Variants in CCDC148 observed in about 807,000 individuals in gnomAD.
CCDC148 encodes the protein coiled-coil domain containing 148.
CCDC148 carries 89 observed loss-of-function variants against 85.7 expected under a neutral mutation model. The ratio of observed to expected loss-of-function variants is 1.04; its 90% CI spans 0.87 to 1.24. CCDC148 has a LOEUF of 1.24. Among genes scored for constraint, CCDC148 ranks in the 50% most tolerant of loss-of-function variants. The probability of loss-of-function intolerance (pLI) is 0.00; values close to 1 mark genes in which losing one functional copy is unlikely to be tolerated. For synonymous variants in CCDC148, 230 were observed against 213.9 expected (o/e 1.08, Z -0.66); for missense variants, 692 against 671.7 (o/e 1.03, Z -0.33).
chr2:158,218,576 G>A (rs546081947), intron 11 of CCDC148, among the ~76,000 whole-genome samples: 5 of 152,276 alleles, frequency 3.3e-5, no homozygotes, highest in Non-Finnish European at 5.9e-5. Context: ...TAATTTTAGT[G>A]GAAGCCTGTA....
chr2:158,426,789 G>A (rs1161934490), intron 1 of CCDC148, among the ~76,000 whole-genome samples: 4 of 152,154 alleles, frequency 2.6e-5, no homozygotes, highest in African/African-American at 7.2e-5. Context: ...ATTTGCACTT[G>A]TTGTGCTATA....
intron 10 of CCDC148, among the ~76,000 whole-genome samples, chr2:158,235,110 T>G (rs1410000210): frequency 6.6e-6 from 1 of 152,172 alleles, no homozygotes; most frequent in African/African-American, 2.4e-5. Flanking sequence ...CCTGCACATG[T>G]GCCCCTAAAC....
rs1386928849 is a variant in CCDC148 at position 158,414,607 on chromosome 2, C to G, written c.25+41808G>C. Among the ~76,000 whole-genome samples the G allele has an allele frequency of 5.9e-5, 9 of 152,048 alleles. 1 individual carries two copies. Among genetic ancestry groups the G allele is most frequent in the Non-Finnish European group, 1.3e-4 (9 of 68,024 alleles). On this transcript the variant is annotated intron_variant, in intron 1 of 13. Coordinates refer to ENST00000283233, the MANE Select transcript of CCDC148 (RefSeq NM_138803.4). ...AAAAAAAAGAATAATGTGTGCTAGG[C>G]ACTATATGAGGAGCTTTCTGGAGAT...
intron 10 of CCDC148, among the ~76,000 whole-genome samples, chr2:158,246,032 C>G (rs1261415554): frequency 6.6e-6 from 1 of 152,092 alleles, no homozygotes; most frequent in Non-Finnish European, 1.5e-5. Flanking sequence ...CGAATACAAA[C>G]CAAAATATTA....
At position 158,406,628 on chromosome 2, in the gene CCDC148, T is replaced by TC. The variant is rs1559124648; in HGVS notation, c.26-48059_26-48058insG. On this transcript the variant is annotated intron_variant, in intron 1 of 13. Transcript: ENST00000283233. ...GATTAAATTTCTTTTTTTTTTTTTT[T>TC]TTTTTTTTTTTTGAGACAGTGTCTC... Among the ~76,000 whole-genome samples, 143 of 119,056 alleles carry TC rather than the reference T, an allele frequency of 1.2e-3. 3 individuals are homozygous for TC. The highest frequency in any genetic ancestry group is 3.9e-3 in the African/African-American group (126 of 32,710). 78.1% of individuals were successfully genotyped at this position (119,056 alleles called of 152,430 possible).
intron 1 of CCDC148, among the ~76,000 whole-genome samples, chr2:158,418,543 T>G (rs1686614587): frequency 6.6e-6 from 1 of 152,212 alleles, no homozygotes; most frequent in South Asian, 2.1e-4. Flanking sequence ...TGCATTTGTT[T>G]GGGAAGTAGT....
intron 2 of CCDC148, among the ~76,000 whole-genome samples, chr2:158,346,735 T>C (rs1191105768): frequency 6.6e-6 from 1 of 152,192 alleles, no homozygotes; most frequent in African/African-American, 2.4e-5. Flanking sequence ...CTTAGTACCC[T>C]AAAAGCTTTA....
intron 1 of CCDC148, among the ~76,000 whole-genome samples, chr2:158,384,923 GTTATTT>G (rs765111611): frequency 4.6e-5 from 7 of 152,176 alleles, no homozygotes; most frequent in African/African-American, 4.8e-5. Context: ...ACCAGCCTGA[GTTATTT>G]TCCAGAACCT....
intron 1 of CCDC148, among the ~76,000 whole-genome samples, chr2:158,404,716 G>A (rs1418743299): frequency 6.6e-6 from 1 of 152,122 alleles, no homozygotes; most frequent in Admixed American, 6.6e-5. Flanking sequence ...TAGCTCAGCA[G>A]TTATCCAAAT....
At chr2:158,423,870 GA>G (rs147762484) in intron 1 of CCDC148, among the ~76,000 whole-genome samples, 129,618 of 151,930 alleles carry the variant, frequency 0.85, 57,083 homozygotes, top group Non-Finnish European at 0.96. Context: ...AAATTTACAA[GA>G]AAAAAATCAA....
rs185605329 is a variant in CCDC148, at chr2:158,299,583, T to C, written c.1110+9850A>G. On this transcript the variant is annotated intron_variant, in intron 9 of 13. Coordinates refer to ENST00000283233, the MANE Select transcript of CCDC148 (RefSeq NM_138803.4). ...TAAAACTTCTCTTATTTCAAAAATC[T>C]CATCCATACACTGGTTATCCAATGC... Among the ~76,000 whole-genome samples the C allele has an allele frequency of 5.3e-3, 810 of 152,356 alleles. 3 individuals carry two copies. The highest frequency in any genetic ancestry group is 8.1e-3 in the Admixed American group (124 of 15,298).
At chr2:158,405,181 G>C (rs763572477) in intron 1 of CCDC148, among the ~76,000 whole-genome samples, 6 of 152,070 alleles carry the variant, frequency 3.9e-5, no homozygotes, top group Admixed American at 2.0e-4. Context: ...AGGGGAACAG[G>C]GAAGGAGTAG....
At chr2:158,250,727 A>G (rs1321449330) in intron 10 of CCDC148, 45 bp downstream of exon 10, 1 of 1,497,806 alleles carries the variant, frequency 6.7e-7, no homozygotes, top group Non-Finnish European at 8.9e-7. Flanking sequence ...CAATCAGGCC[A>G]TTAAGCATTC....
intron 10 of CCDC148, 75 bp downstream of exon 10, chr2:158,250,697 A>G: frequency 6.9e-7 from 1 of 1,442,038 alleles, no homozygotes; most frequent in South Asian, 1.5e-5. Flanking sequence ...TTTCATGCCA[A>G]ACACCAAGAC....
intron 9 of CCDC148, among the ~76,000 whole-genome samples, chr2:158,278,562 C>G (rs927818471): frequency 6.6e-6 from 1 of 152,270 alleles, no homozygotes; most frequent in Admixed American, 6.5e-5. Context: ...AAGGTGGCAG[C>G]GAGGCTGGGG....
chr2:158,175,283 C>T lies in CCDC148; in HGVS notation c.1629+1238G>A, dbSNP rs549770872. ...TTCAGCAGCTAGGATCTAGAGACACCTCTTAAACCTTGTAATTAATCCTTC... is the reference window on the plus strand; with the variant it reads ...TTCAGCAGCTAGGATCTAGAGACACTTCTTAAACCTTGTAATTAATCCTTC... On this transcript the variant is annotated intron_variant, in intron 13 of 13. Transcript: ENST00000283233. 2.6e-5 allele frequency among the ~76,000 whole-genome samples: 4 copies of T among 152,108 alleles called. No homozygotes were observed. In the East Asian group the frequency reaches 7.8e-4, roughly 30 times the overall value.
intron 1 of CCDC148, among the ~76,000 whole-genome samples, chr2:158,369,155 CTCTT>C (rs1321127749): frequency 6.6e-6 from 1 of 152,004 alleles, no homozygotes; most frequent in Non-Finnish European, 1.5e-5. Context: ...ACTATACGGG[CTCTT>C]TTTTTGTTCC....
At chr2:158,188,959 A>T (rs968597312) in intron 11 of CCDC148, among the ~76,000 whole-genome samples, 1 of 152,082 alleles carries the variant, frequency 6.6e-6, no homozygotes, top group Non-Finnish European at 1.5e-5. Flanking sequence ...AAAAGAAGAC[A>T]TGTAAGTGGC....
At chr2:158,237,839 G>C (rs1688176291) in intron 10 of CCDC148, among the ~76,000 whole-genome samples, 1 of 152,132 alleles carries the variant, frequency 6.6e-6, no homozygotes, top group Non-Finnish European at 1.5e-5. Context: ...TTAGAAGATG[G>C]AACGGTGAGG....
Sources: allele counts gnomAD v4.1 joint callset (sites outside exome capture counted in the v4.1 genomes callset), GRCh38; gene constraint gnomAD v4.1.1; transcripts MANE v1.5; gene names NCBI Gene and HGNC (gene_info 2026-07-23, HGNC 2026-07-21).